The following SOX6 variants were observed in gnomAD, a reference collection of about 807,000 sequenced individuals.
SOX6 encodes transcription factor SOX-6.
SOX6 carries 11 observed loss-of-function variants against 97.8 expected under a neutral mutation model. The ratio of observed to expected loss-of-function variants is 0.11; its 90% confidence interval spans 0.07 to 0.19. The LOEUF (loss-of-function observed/expected upper bound fraction) is 0.19. SOX6 is among the 10% of genes least tolerant of loss of function. The probability of loss-of-function intolerance (pLI) is 1.00; values close to 1 mark genes in which losing one functional copy is unlikely to be tolerated. For synonymous variants in SOX6, 360 were observed against 371.4 expected, an observed-to-expected ratio of 0.97 and a Z score of 0.35; for missense variants, 810 against 1,039.5, an observed-to-expected ratio of 0.78 and a Z score of 3.04.
At chr11:16,341,884 T>G (rs759925087) in intron 1 of SOX6, among the ~76,000 whole-genome samples, 6 of 152,086 alleles carry the variant, frequency 3.9e-5, no homozygotes, top group Non-Finnish European at 8.8e-5. Context: ...GAGTCAATTG[T>G]TGTAACTTAA....
Position 15,968,863 on chromosome 11 carries a change from G to A in SOX6, c.*3946C>T, listed in dbSNP as rs1276069484. 2 of 152,122 alleles carry A rather than the reference G, an allele frequency of 1.3e-5. No homozygotes were observed. The highest frequency in any genetic ancestry group is 2.9e-5 in the Non-Finnish European group (2 of 68,054). The allele number at this position is 152,122 out of a possible 1,614,324, so 9.4% of individuals were successfully genotyped here. On this transcript the variant is annotated 3_prime_UTR_variant, in exon 16 of 16. Transcript: ENST00000683767. ...TCAAATACCTAATGAAGCAAACCGAGGTGCTTCTAAAAGGCTGAGCTGGGT... is the reference window on the plus strand; with the variant it reads ...TCAAATACCTAATGAAGCAAACCGAAGTGCTTCTAAAAGGCTGAGCTGGGT...
chr11:16,541,620 G>GA (rs1245072496), intron 4 of SOX6, among the ~76,000 whole-genome samples: 1 of 151,212 alleles, frequency 6.6e-6, no homozygotes, highest in Non-Finnish European at 1.5e-5. Flanking sequence ...AAATTTACAA[G>GA]AAAAAAAACA....
chr11:16,265,467 C>T (rs1251131489), intron 3 of SOX6, among the ~76,000 whole-genome samples: 1 of 151,718 alleles, frequency 6.6e-6, no homozygotes, highest in East Asian at 1.9e-4. Flanking sequence ...TTCCAAGAAA[C>T]TTAAAGCATC....
chr11:16,068,320 G>GT (rs2133938726), intron 9 of SOX6, among the ~76,000 whole-genome samples: 1 of 152,242 alleles, frequency 6.6e-6, no homozygotes, highest in South Asian at 2.1e-4. Context: ...GGTGACAGGC[G>GT]TAATTAAGCA....
intron 1 of SOX6, among the ~76,000 whole-genome samples, chr11:16,399,346 T>A (rs1029865655): frequency 2.0e-5 from 3 of 149,978 alleles, no homozygotes; most frequent in African/African-American, 7.4e-5. Flanking sequence ...TTTTATATTA[T>A]TTTTATTTTA....
intron 1 of SOX6, among the ~76,000 whole-genome samples, chr11:16,423,445 G>GT (rs1413319839): frequency 6.6e-6 from 1 of 152,104 alleles, no homozygotes; most frequent in African/African-American, 2.4e-5. Flanking sequence ...ATTTTTGTCT[G>GT]TTTTGTTTCA....
At chr11:16,157,902 T>C (rs1850643903) in intron 6 of SOX6, among the ~76,000 whole-genome samples, 1 of 151,986 alleles carries the variant, frequency 6.6e-6, no homozygotes, top group Non-Finnish European at 1.5e-5. Flanking sequence ...ATGTCACTTC[T>C]TTGAGCAAGC....
intron 3 of SOX6, among the ~76,000 whole-genome samples, chr11:16,614,057 C>A (rs1319308643): frequency 6.6e-6 from 1 of 152,176 alleles, no homozygotes; most frequent in Non-Finnish European, 1.5e-5. Flanking sequence ...GGGAATCGAG[C>A]GAAGGCGAAC....
chr11:16,253,552 G>A (rs553697382), intron 3 of SOX6, among the ~76,000 whole-genome samples: 5 of 152,110 alleles, frequency 3.3e-5, no homozygotes, highest in African/African-American at 9.6e-5. Context: ...CAAAAATAAA[G>A]GCTAGAGATT....
intron 9 of SOX6, among the ~76,000 whole-genome samples, chr11:16,088,453 CTT>C (rs1188256954): frequency 6.6e-6 from 1 of 152,240 alleles, no homozygotes; most frequent in East Asian, 1.9e-4. Context: ...TGTGCTCTGC[CTT>C]TTCACCCCTC....
chr11:15,992,557 AAAC>A (rs1222716671), intron 13 of SOX6, among the ~76,000 whole-genome samples: 4 of 152,176 alleles, frequency 2.6e-5, no homozygotes, highest in Admixed American at 2.0e-4. Context: ...AAGTCAATGA[AAAC>A]AACAACAACA....
At chr11:16,361,074 A>G (rs1037758596), upstream of SOX6, among the ~76,000 whole-genome samples, 37 of 152,116 alleles carry the variant, frequency 2.4e-4, no homozygotes, top group Non-Finnish European at 3.2e-4. Flanking sequence ...CCCTGTATGT[A>G]TGGAGACTTT....
chr11:16,244,318 A>AT (rs1343473262), intron 3 of SOX6, among the ~76,000 whole-genome samples: 1 of 151,734 alleles, frequency 6.6e-6, no homozygotes, highest in Non-Finnish European at 1.5e-5. Context: ...TATTTTGCCC[A>AT]TTTTTACACT....
chr11:16,335,023 G>C (rs531682234), intron 2 of SOX6, among the ~76,000 whole-genome samples: 9 of 152,098 alleles, frequency 5.9e-5, no homozygotes, highest in Non-Finnish European at 1.3e-4. Flanking sequence ...AACATTTGCT[G>C]TCTATTTCAC....
intron 12 of SOX6, among the ~76,000 whole-genome samples, chr11:16,036,469 T>C (rs1855523050): frequency 6.6e-6 from 1 of 152,170 alleles, no homozygotes; most frequent in Admixed American, 6.5e-5. Flanking sequence ...TTTACTATAC[T>C]ACTACAAAAA....
intron 6 of SOX6, among the ~76,000 whole-genome samples, chr11:16,169,378 A>G (rs1181956497): frequency 6.6e-6 from 1 of 152,142 alleles, no homozygotes; most frequent in Non-Finnish European, 1.5e-5. Flanking sequence ...ATTACCTGCT[A>G]AAAGAAGTTA....
intron 1 of SOX6, among the ~76,000 whole-genome samples, chr11:16,450,564 G>C (rs983698096): frequency 6.6e-6 from 1 of 152,064 alleles, no homozygotes; most frequent in Admixed American, 6.5e-5. Flanking sequence ...ACTACAAGTC[G>C]GTCCATTCTC....
chr11:16,558,598 G>A (rs1325016027), intron 4 of SOX6, among the ~76,000 whole-genome samples: 1 of 151,914 alleles, frequency 6.6e-6, no homozygotes. Flanking sequence ...TCTTTCTCAA[G>A]ACTTCCAACA....
chr11:16,332,665 A>C (rs1856341723), intron 2 of SOX6, among the ~76,000 whole-genome samples: 1 of 152,192 alleles, frequency 6.6e-6, no homozygotes, highest in Non-Finnish European at 1.5e-5. Flanking sequence ...TTATTAGCAA[A>C]GGTTTGTAAT....
Sources: gnomAD v4.1 joint callset for allele counts (sites outside exome capture counted in the v4.1 genomes callset) on GRCh38, gnomAD v4.1.1 for gene constraint, MANE v1.5 for transcripts, NCBI Gene and HGNC (gene_info 2026-07-23, HGNC 2026-07-21) for gene names.